The following SLC15A1 variants were observed in gnomAD, a reference collection of about 807,000 sequenced individuals.
SLC15A1 encodes the protein solute carrier family 15 member 1.
A neutral mutation model predicts 92.9 loss-of-function variants in SLC15A1; 83 were observed. The ratio of observed to expected loss-of-function variants is 0.89; its 90% CI spans 0.75 to 1.07. The LOEUF is 1.07. SLC15A1 is among the 50% of genes least tolerant of loss of function. The pLI, the probability that SLC15A1 is intolerant of heterozygous loss-of-function variation, is 0.00. For missense variants in SLC15A1, 857 were observed against 880.1 expected (o/e 0.97, Z 0.33); for synonymous variants, 322 against 318.2 (o/e 1.01, Z -0.13).
At chr13:98,699,922 T>C (rs1004593469) in intron 18 of SLC15A1, among the ~76,000 whole-genome samples, 1 of 152,248 alleles carries the variant, frequency 6.6e-6, no homozygotes, top group Admixed American at 6.5e-5. Flanking sequence ...TTTGGTGACA[T>C]AGCTGTTCAA....
intron 17 of SLC15A1, among the ~76,000 whole-genome samples, chr13:98,703,086 A>G (rs984175119): frequency 2.7e-5 from 4 of 149,824 alleles, no homozygotes; most frequent in African/African-American, 9.8e-5. Flanking sequence ...AGAGTTTGAG[A>G]CCAGCCAGGC....
chr13:98,737,378 G>C (rs1188454597), intron 1 of SLC15A1, among the ~76,000 whole-genome samples: 1 of 152,100 alleles, frequency 6.6e-6, no homozygotes. Flanking sequence ...AGCATTAGGA[G>C]AAATACCTAA....
chr13:98,692,136 CTTTTTTTTTTTTTTTTTTT>C (rs528865683), intron 18 of SLC15A1, among the ~76,000 whole-genome samples: 17 of 67,644 alleles, frequency 2.5e-4, no homozygotes, highest in African/African-American at 6.1e-4. Flanking sequence ...TTCTCCTAAA[CTTTTTTTTTTTTTTTTTTT>C]TTTTTTTTTT....
chr13:98,729,001 AAAAAAC>A lies in SLC15A1; in HGVS notation c.5-2148_5-2143del, dbSNP rs1286163797. ...GTAAAAAAAAAAAAAAAAAAAAAAAAAAAAACAACAAGCCCCAAAACAAAAAACAAA... is the reference window on the plus strand; with the variant it reads ...GTAAAAAAAAAAAAAAAAAAAAAAAAAACAAGCCCCAAAACAAAAAACAAA... On this transcript the variant is annotated intron_variant, in intron 1 of 22. Transcript: ENST00000376503. Among the ~76,000 whole-genome samples, 31 of 146,930 alleles carry A rather than the reference AAAAAAC, an allele frequency of 2.1e-4. 4 individuals carry two copies. Among genetic ancestry groups the A allele is most frequent in the East Asian group, 6.1e-4 (3 of 4,910 alleles).
intron 15 of SLC15A1, among the ~76,000 whole-genome samples, chr13:98,706,793 A>G (rs541147319): frequency 6.6e-6 from 1 of 152,154 alleles, no homozygotes; most frequent in South Asian, 2.1e-4. Context: ...TATCAGCAGC[A>G]TGAGAATGGA....
At chr13:98,703,434 A>G (rs2088085593) in intron 17 of SLC15A1, among the ~76,000 whole-genome samples, 1 of 151,376 alleles carries the variant, frequency 6.6e-6, no homozygotes, top group Non-Finnish European at 1.5e-5. Flanking sequence ...TCTTAATTCC[A>G]TATTGCAGTT....
chr13:98,702,964 T>C (rs1470540255), intron 17 of SLC15A1, among the ~76,000 whole-genome samples: 1 of 67,390 alleles, frequency 1.5e-5, no homozygotes, highest in Non-Finnish European at 2.7e-5. Flanking sequence ...GGAGATCCTG[T>C]CTCAAAAAAA....
Position 98,717,480 on chromosome 13 carries a change from G to A in SLC15A1, c.641-1520C>T, listed in dbSNP as rs1275684960. ...AGAAGAAAAAGCATAATCGTTGATA[G>A]AGGAATGACTTGTACAGATGAGATA... On this transcript the variant is annotated intron_variant, in intron 8 of 22. Transcript: ENST00000376503. Among the ~76,000 whole-genome samples, 3 of 152,224 alleles carry A rather than the reference G, an allele frequency of 2.0e-5. 1 individual carries two copies. The highest frequency in any genetic ancestry group is 6.3e-3 in the Middle Eastern group (2 of 316).
intron 10 of SLC15A1, among the ~76,000 whole-genome samples, chr13:98,712,190 C>T (rs1201474455): frequency 1.3e-5 from 2 of 152,032 alleles, no homozygotes; most frequent in African/African-American, 4.8e-5. Context: ...AATGTAAATC[C>T]CACCACCGCC....
At chr13:98,751,486 G>C (rs1024442204) in intron 1 of SLC15A1, among the ~76,000 whole-genome samples, 3 of 152,220 alleles carry the variant, frequency 2.0e-5, no homozygotes, top group African/African-American at 7.2e-5. Context: ...TAGAGTGACA[G>C]GTGGGACTTG....
chr13:98,687,887 G>T (rs2087943114), intron 20 of SLC15A1, among the ~76,000 whole-genome samples, 163 bp from the exon 21 acceptor site: 2 of 152,168 alleles, frequency 1.3e-5, no homozygotes, highest in Admixed American at 1.3e-4. Context: ...ACTTGCAATG[G>T]GATTTGAAGA....
chr13:98,739,288 C>A (rs2088420914), intron 1 of SLC15A1, among the ~76,000 whole-genome samples: 1 of 152,126 alleles, frequency 6.6e-6, no homozygotes, highest in Non-Finnish European at 1.5e-5. Flanking sequence ...TGAGTTAAGA[C>A]TTTGGGGGAT....
intron 7 of SLC15A1, among the ~76,000 whole-genome samples, chr13:98,719,536 A>T (rs1372537660): frequency 6.6e-6 from 1 of 152,226 alleles, no homozygotes; most frequent in African/African-American, 2.4e-5. Context: ...GCCCCTAAAT[A>T]GATGGGTGTT....
intron 20 of SLC15A1, 90 bp from the exon 21 acceptor site, chr13:98,687,814 A>G (rs2139559838): frequency 1.4e-6 from 2 of 1,432,332 alleles, no homozygotes; most frequent in Non-Finnish European, 1.9e-6. Flanking sequence ...ACCTTCTAGG[A>G]TTACATCATA....
intron 22 of SLC15A1, among the ~76,000 whole-genome samples, chr13:98,685,861 C>T (rs542521740): frequency 2.2e-4 from 34 of 152,028 alleles, no homozygotes; most frequent in Admixed American, 5.2e-4. Context: ...TGGTGGGTGC[C>T]TGTAGGCTCA....
intron 8 of SLC15A1, among the ~76,000 whole-genome samples, chr13:98,718,452 T>C (rs2088229062): frequency 6.6e-6 from 1 of 151,370 alleles, no homozygotes. Context: ...CCAGAGGAGC[T>C]GGGACTACAG....
At chr13:98,727,340 C>T (rs1304591766) in intron 1 of SLC15A1, among the ~76,000 whole-genome samples, 3 of 152,184 alleles carry the variant, frequency 2.0e-5, no homozygotes, top group East Asian at 1.9e-4. Flanking sequence ...GTCTTGCCAC[C>T]GATATTCCCT....
intron 18 of SLC15A1, among the ~76,000 whole-genome samples, chr13:98,692,747 ATTTGTTTG>A (rs893907248): frequency 6.6e-6 from 1 of 151,898 alleles, no homozygotes; most frequent in Non-Finnish European, 1.5e-5. Context: ...ATTTTTATTT[ATTTGTTTG>A]TTTGTTTGAA....
In SLC15A1 at chr13:98,688,511, G is replaced by T. The variant is rs771918050; in HGVS notation, c.1533C>A (p.Ser511Arg). 2.7e-5 allele frequency: 43 copies of T among 1,613,956 alleles called. No homozygotes were observed. The highest frequency in any genetic ancestry group is 3.3e-5 in the Admixed American group (2 of 60,002). ...TMSGKVYANI[S>R]SYNASTYQFF... ...ACTGGTATGTGCTGGCATTGTAGCT[G>T]CTGATGTTTGCATAAACTTTCCCAC... is the stretch of plus-strand genomic sequence containing the variant. Residue 511 changes from serine (S) to arginine (R), a missense_variant, in exon 19 of 23, where the codon AGC becomes AGA. Ser to Arg is a moderately radical substitution (Grantham distance 110). Coordinates refer to ENST00000376503, the MANE Select transcript of SLC15A1 (RefSeq NM_005073.4).
Sources: gnomAD v4.1 joint callset for allele counts (sites outside exome capture counted in the v4.1 genomes callset) on GRCh38, gnomAD v4.1.1 for gene constraint, MANE v1.5 for transcripts, NCBI Gene and HGNC (gene_info 2026-07-23, HGNC 2026-07-21) for gene names.